Variants in SYNE2 observed in about 807,000 individuals in gnomAD.
The protein encoded by SYNE2 is nesprin-2.
SYNE2 carries 431 observed loss-of-function variants against 856.3 expected under a neutral mutation model. The ratio of observed to expected loss-of-function variants is 0.50; its 90% CI spans 0.47 to 0.55. SYNE2 has a LOEUF of 0.55. SYNE2 is among the 20% of genes least tolerant of loss of function. The pLI is 0.00. For missense variants in SYNE2, 8,129 were observed against 8,023.2 expected (o/e 1.01, Z -0.50); for synonymous variants, 2,923 against 2,872.3 (o/e 1.02, Z -0.56).
At chr14:64,098,726 T>G in intron 62 of SYNE2, 21 bp from the exon 63 acceptor site, 1 of 1,613,440 alleles carries the variant, frequency 6.2e-7, no homozygotes, top group Non-Finnish European at 8.5e-7. Flanking sequence ...ACTGCAGGTA[T>G]TCTTGTGCTG....
At chr14:64,049,340 A>G (rs1301001051) in intron 46 of SYNE2, 2 of 163,738 alleles carry the variant, frequency 1.2e-5, no homozygotes, top group Non-Finnish European at 2.6e-5. Flanking sequence ...AGTCCTAGCT[A>G]CTTGGGAGGC....
At chr14:64,129,439 T>C (rs2097988682) in intron 74 of SYNE2, among the ~76,000 whole-genome samples, 1 of 152,184 alleles carries the variant, frequency 6.6e-6, no homozygotes, top group South Asian at 2.1e-4. Flanking sequence ...ACCCTTACAA[T>C]AGCATGCTGT....
chr14:63,839,717 T>C (rs1889982997), intron 1 of SYNE2, among the ~76,000 whole-genome samples: 1 of 152,046 alleles, frequency 6.6e-6, no homozygotes, highest in Non-Finnish European at 1.5e-5. Context: ...TAAAGATAGA[T>C]AGATAAATAA....
At chr14:64,119,002 C>T (rs1271617894) in intron 66 of SYNE2, among the ~76,000 whole-genome samples, 7 of 151,920 alleles carry the variant, frequency 4.6e-5, no homozygotes, top group Admixed American at 1.3e-4. Context: ...GAGGTGAGTT[C>T]GGTTATTATC....
intron 11 of SYNE2, among the ~76,000 whole-genome samples, chr14:63,971,816 C>A (rs547909034): frequency 6.6e-6 from 1 of 151,720 alleles, no homozygotes; most frequent in Non-Finnish European, 1.5e-5. Context: ...CTTTATTTTG[C>A]CTTCATTAAA....
intron 6 of SYNE2, among the ~76,000 whole-genome samples, chr14:63,946,896 C>A (rs1282713252): frequency 6.6e-6 from 1 of 151,786 alleles, no homozygotes; most frequent in South Asian, 2.1e-4. Flanking sequence ...GTTGCCCAGG[C>A]TGGAGTGCAG....
chr14:63,932,958 G>C (rs1365823491), intron 2 of SYNE2, among the ~76,000 whole-genome samples: 1 of 152,164 alleles, frequency 6.6e-6, no homozygotes, highest in Non-Finnish European at 1.5e-5. Flanking sequence ...AGTTACAAAT[G>C]ACCTGGAATG....
chr14:64,081,397 C>T, intron 56 of SYNE2, 46 bp from the exon 57 acceptor site: 1 of 1,613,442 alleles, frequency 6.2e-7, no homozygotes, highest in South Asian at 1.1e-5. Flanking sequence ...CATTCAGCTC[C>T]AGTAAAAGGC....
chr14:63,792,784 A>G (rs1386698893), intron 1 of SYNE2, among the ~76,000 whole-genome samples: 1 of 151,894 alleles, frequency 6.6e-6, no homozygotes, highest in Admixed American at 6.6e-5. Context: ...TGATCACCTG[A>G]TCGTCCCACC....
intron 80 of SYNE2, among the ~76,000 whole-genome samples, chr14:64,140,936 A>AT (rs2098134409): frequency 6.6e-6 from 1 of 152,014 alleles, no homozygotes; most frequent in African/African-American, 2.4e-5. Context: ...TATGATTACT[A>AT]ACTTTGCTAT....
chr14:64,076,135 C>T (rs768667791), intron 54 of SYNE2, 35 bp downstream of exon 54: 46 of 1,606,044 alleles, frequency 2.9e-5, no homozygotes, highest in Admixed American at 5.0e-5. Flanking sequence ...TTATTATTTA[C>T]GGAGCTGAAT....
chr14:63,841,341 A>C (rs1256657080), intron 1 of SYNE2, among the ~76,000 whole-genome samples: 2 of 152,230 alleles, frequency 1.3e-5, no homozygotes, highest in Non-Finnish European at 2.9e-5. Context: ...AGCTGTCCTC[A>C]TGCTGCTTGG....
Position 64,208,923 on chromosome 14 carries a change from A to T in SYNE2, c.18367A>T (p.Met6123Leu), listed in dbSNP as rs1200421419. The change falls in exon 101 of 116, where the codon ATG becomes TTG. Residue 6123 changes from methionine to leucine, a missense_variant. By Grantham distance (15) the Met-to-Leu change is conservative. Around this residue, in one of 3 missense-constraint regions of SYNE2, gnomAD observed 5,410 missense variants for 5,284.8 expected, o/e 1.02. Coordinates refer to ENST00000555002, the MANE Select transcript of SYNE2 (RefSeq NM_182914.3). ...LDRRWRNICA[M>L]SMERRMKIEE... ...CAGACGCTGGAGGAACATTTGTGCC[A>T]TGTCCATGGAGCGGCGCATGAAGTA... 1 of 1,614,144 alleles carries T rather than the reference A, an allele frequency of 6.2e-7. No homozygotes were observed. Among genetic ancestry groups the T allele is most frequent in the South Asian group, 1.1e-5 (1 of 91,064 alleles).
chr14:64,024,213 CAG>C, intron 38 of SYNE2, 42 bp from the exon 39 acceptor site: 1 of 1,590,108 alleles, frequency 6.3e-7, no homozygotes, highest in Non-Finnish European at 8.6e-7. Context: ...AGACCACATT[CAG>C]ACTTGCCAGG....
At chr14:64,050,169 T>G (rs2097214547) in intron 47 of SYNE2, among the ~76,000 whole-genome samples, 1 of 152,144 alleles carries the variant, frequency 6.6e-6, no homozygotes, top group Admixed American at 6.5e-5. Context: ...TGCTCTCCAG[T>G]TCACAGATGG....
At chr14:64,002,332 T>C (rs2096761706) in intron 29 of SYNE2, among the ~76,000 whole-genome samples, 1 of 152,232 alleles carries the variant, frequency 6.6e-6, no homozygotes, top group Non-Finnish European at 1.5e-5. Context: ...TGTTTATGAA[T>C]GCCTTCTTCA....
At position 64,165,195 on chromosome 14, in the gene SYNE2, C is replaced by A. The variant is rs928503653; in HGVS notation, c.16480-90C>A. On this transcript the variant is annotated intron_variant, in intron 89 of 115. Transcript: ENST00000555002. ...AGCCACCGTGCCTAGCCAAAAACAT[C>A]TTGAATTTTTAGCAGCTCCCAAGCC... 13 of 1,449,244 alleles carry A rather than the reference C, an allele frequency of 9.0e-6. No homozygotes were observed. In the African/African-American group the frequency reaches 1.3e-4, roughly 14 times the overall value. 89.8% of individuals were successfully genotyped at this position (1,449,244 alleles called of 1,614,324 possible). A position where few individuals can be genotyped will look rare whatever the true frequency, so the allele number is the denominator to read the frequency against.
At chr14:63,817,800 G>A (rs2139852777) in intron 1 of SYNE2, among the ~76,000 whole-genome samples, 1 of 150,272 alleles carries the variant, frequency 6.7e-6, no homozygotes, top group East Asian at 2.0e-4. Context: ...AAGGCAGGAG[G>A]ATTGCTTGAG....
chr14:64,202,958 CA>C lies in SYNE2; in HGVS notation c.18197del (p.Gln6066ArgfsTer64). 6.2e-7 allele frequency: 1 copy of C among 1,614,138 alleles called. No homozygotes were observed. Among genetic ancestry groups the C allele is most frequent in the Non-Finnish European group, 8.5e-7 (1 of 1,180,034 alleles). On this transcript the variant is annotated frameshift_variant, in exon 100 of 116. Transcript: ENST00000555002. LOFTEE classifies it high-confidence loss of function. ...AGAGATCCAGAAGAGGCTCGCTGAG[CA>C]GCAGGTGGGACAATCAGAAATGAGC... The part of the protein sequence containing the change: ...DQEIQKRLAE[Q>X]QDLQRDIEQH...
Sources: gnomAD v4.1 joint callset for allele counts (sites outside exome capture counted in the v4.1 genomes callset) on GRCh38, gnomAD v4.1.1 for gene constraint, gnomAD v4.1.1 regional missense constraint, MANE v1.5 for transcripts, NCBI Gene and HGNC (gene_info 2026-07-23, HGNC 2026-07-21) for gene names.